Variants in RUFY1 observed in about 807,000 individuals in gnomAD.
RUFY1 encodes the protein RUN and FYVE domain-containing protein 1.
In RUFY1, 54 loss-of-function variants were observed where a neutral mutation model predicts 94.6. The ratio of observed to expected loss-of-function variants is 0.57; its 90% CI spans 0.46 to 0.72. The LOEUF (loss-of-function observed/expected upper bound fraction) is 0.72. RUFY1 is among the 30% of genes least tolerant of loss of function. The pLI, the probability that RUFY1 is intolerant of heterozygous loss-of-function variation, is 0.00. For missense variants in RUFY1, 883 were observed against 883.9 expected (o/e 1.00, Z 0.01); for synonymous variants, 396 against 347.3 (o/e 1.14, Z -1.56).
intron 8 of RUFY1, 56 bp downstream of exon 8, chr5:179,585,921 A>G (rs1187175428): frequency 7.2e-7 from 1 of 1,391,272 alleles, no homozygotes; most frequent in Non-Finnish European, 1.0e-6. Flanking sequence ...AGGTTAAGAG[A>G]ATCTGTGTAG....
In RUFY1 at chr5:179,569,383, C is replaced by G. The variant is rs140249165; in HGVS notation, c.786C>G (p.Leu262=). 3 of 1,613,370 alleles carry G rather than the reference C, an allele frequency of 1.9e-6. No homozygotes were observed. In the African/African-American group the frequency reaches 4.0e-5, roughly 22 times the overall value. ...GTCTGCTGGTGGGACTCAATGTTCT[C>G]GATGCCAATCTCTGCTTGAAAGGAG... The part of the protein sequence containing the change: ...IVGLLVGLNV[L]DANLCLKGED... Residue 262 remains leucine, a synonymous_variant, in exon 5 of 18, where the codon CTC becomes CTG. Transcript: ENST00000319449.
intron 15 of RUFY1, chr5:179,603,572 T>C (rs1413817696): frequency 1.3e-5 from 2 of 152,370 alleles, no homozygotes; most frequent in African/African-American, 4.8e-5. Context: ...GCTCAGAGCA[T>C]AGGCCAGCTG....
Position 179,573,777 on chromosome 5 carries a change from C to T in RUFY1, c.829-3298C>T, listed in dbSNP as rs561814523. On this transcript the variant is annotated intron_variant, in intron 5 of 17. Coordinates refer to ENST00000319449, the MANE Select transcript of RUFY1 (RefSeq NM_025158.5). ...GACATCGTGATCTGCCCACTTTGGC[C>T]TCCCAAAGTGCTGGGATTACAGGCG... Among the ~76,000 whole-genome samples the T allele has an allele frequency of 4.3e-4, 66 of 152,246 alleles. 2 individuals carry two copies. In the South Asian group the frequency reaches 0.014, roughly 32 times the overall value.
chr5:179,607,712 A>C, intron 17 of RUFY1, 53 bp downstream of exon 17: 2 of 1,469,830 alleles, frequency 1.4e-6, no homozygotes, highest in Non-Finnish European at 1.9e-6. Flanking sequence ...TGCCCGCTGG[A>C]TTCCCCTTTC....
intron 16 of RUFY1, 65 bp from the exon 17 acceptor site, chr5:179,607,517 C>T (rs543671494): frequency 5.1e-5 from 69 of 1,362,798 alleles, no homozygotes; most frequent in Admixed American, 6.7e-5. Flanking sequence ...GTGGCCAGAA[C>T]GCAGCTACCC....
intron 13 of RUFY1, among the ~76,000 whole-genome samples, chr5:179,597,236 T>TG (rs1447959917): frequency 2.6e-5 from 4 of 151,608 alleles, no homozygotes; most frequent in African/African-American, 9.7e-5. Flanking sequence ...TGTTTGTGTT[T>TG]TGTTTTGTTT....
At chr5:179,598,605 C>G (rs1387421486) in intron 13 of RUFY1, 87 bp from the exon 14 acceptor site, 1 of 1,492,810 alleles carries the variant, frequency 6.7e-7, no homozygotes, top group Non-Finnish European at 9.3e-7. Context: ...TCAGAGACTT[C>G]CCTGTTTCCT....
intron 1 of RUFY1, among the ~76,000 whole-genome samples, chr5:179,558,182 C>T (rs996958050): frequency 2.0e-5 from 3 of 152,154 alleles, no homozygotes; most frequent in Non-Finnish European, 4.4e-5. Context: ...TCTCCCTTCT[C>T]TTGATGAAGT....
chr5:179,569,786 C>T lies in RUFY1; in HGVS notation c.828+361C>T, dbSNP rs531979050. Among the ~76,000 whole-genome samples the T allele has an allele frequency of 2.6e-5, 4 of 152,190 alleles. No homozygotes were observed. The South Asian group carries it at 8.3e-4, about 32-fold the overall frequency. On this transcript the variant is annotated intron_variant, in intron 5 of 17. Transcript: ENST00000319449. Reference sequence around the variant, plus strand: ...TTGAGACGGAGTCTCGTTGTGTCTCCCAGGCTGGAGTGCAGTGGCGCGATC... The same window carrying T: ...TTGAGACGGAGTCTCGTTGTGTCTCTCAGGCTGGAGTGCAGTGGCGCGATC...
At chr5:179,571,762 CATT>C (rs1324282557) in intron 5 of RUFY1, among the ~76,000 whole-genome samples, 2 of 152,158 alleles carry the variant, frequency 1.3e-5, no homozygotes, top group African/African-American at 4.8e-5. Flanking sequence ...CAAAACAACT[CATT>C]ATCTCAAATT....
At chr5:179,590,110 T>C (rs909530161) in intron 9 of RUFY1, among the ~76,000 whole-genome samples, 1 of 152,078 alleles carries the variant, frequency 6.6e-6, no homozygotes, top group African/African-American at 2.4e-5. Flanking sequence ...TCCCAGCACT[T>C]TGGGAGGCCG....
Position 179,605,492 on chromosome 5 carries a change from G to A in RUFY1, c.1857-384G>A, listed in dbSNP as rs375353952. Among the ~76,000 whole-genome samples the A allele has an allele frequency of 4.6e-5, 7 of 152,296 alleles. No homozygotes were observed. In the East Asian group the frequency reaches 1.2e-3, roughly 25 times the overall value. On this transcript the variant is annotated intron_variant, in intron 15 of 17. Coordinates refer to ENST00000319449, the MANE Select transcript of RUFY1 (RefSeq NM_025158.5). ...GACAGCAGGCAGCAGAATGGAGGCC[G>A]GGGAGAAGCCTGCAGACTCAGGTTC... is the stretch of plus-strand genomic sequence containing the variant.
At chr5:179,580,137 T>C (rs1408193490) in intron 6 of RUFY1, among the ~76,000 whole-genome samples, 1 of 152,038 alleles carries the variant, frequency 6.6e-6, no homozygotes, top group Non-Finnish European at 1.5e-5. Flanking sequence ...GACTATACTA[T>C]ATTGAATGAG....
At chr5:179,602,120 T>A in intron 15 of RUFY1, 134 bp downstream of exon 15, 1 of 700,552 alleles carries the variant, frequency 1.4e-6, no homozygotes, top group Non-Finnish European at 2.5e-6. Context: ...CGTTCACGGA[T>A]GAGCTCTCAG....
At chr5:179,598,854 C>G (rs1765977571) in intron 14 of RUFY1, 33 bp downstream of exon 14, 1 of 1,612,674 alleles carries the variant, frequency 6.2e-7, no homozygotes, top group Non-Finnish European at 8.5e-7. Context: ...AGGAGAGCCT[C>G]TGGCAGCCTC....
At chr5:179,605,828 GCCTCAC>G in intron 15 of RUFY1, 42 bp from the exon 16 acceptor site, 15 of 1,239,618 alleles carry the variant, frequency 1.2e-5, no homozygotes, top group Non-Finnish European at 1.6e-5. Flanking sequence ...GGGATTCAGA[GCCTCAC>G]TCTCTCTCAC....
rs1167533684 is a variant in RUFY1 at position 179,580,551 on chromosome 5, TG to T, written c.891-395del. Among the ~76,000 whole-genome samples, 5 of 135,974 alleles carry T rather than the reference TG, an allele frequency of 3.7e-5. No homozygotes were observed. In the East Asian group the frequency reaches 9.7e-4, roughly 26 times the overall value. 89.2% of individuals were successfully genotyped at this position (135,974 alleles called of 152,430 possible). A position where few individuals can be genotyped will look rare whatever the true frequency, so the allele number is the denominator to read the frequency against. ...GCCACCACGCCTGGCCAGTTTTTTTTGTTTTTTTTTTTTAATCCAAACTGGC... is the reference window on the plus strand; with the variant it reads ...GCCACCACGCCTGGCCAGTTTTTTTTTTTTTTTTTTTTAATCCAAACTGGC... On this transcript the variant is annotated intron_variant, in intron 6 of 17. Transcript: ENST00000319449.
At chr5:179,578,605 AC>A (rs1418744940) in intron 6 of RUFY1, among the ~76,000 whole-genome samples, 2 of 152,020 alleles carry the variant, frequency 1.3e-5, no homozygotes, top group Non-Finnish European at 2.9e-5. Flanking sequence ...AGGGAAAAAA[AC>A]AATGTATAAC....
chr5:179,609,201 T>G (rs1480382768), intron 17 of RUFY1, among the ~76,000 whole-genome samples, 175 bp from the exon 18 acceptor site: 1 of 60,608 alleles, frequency 1.6e-5, no homozygotes, highest in Non-Finnish European at 3.3e-5. Context: ...AGCAAGACTC[T>G]ATCTCAAAAA....
Sources: gnomAD v4.1 joint callset for allele counts (sites outside exome capture counted in the v4.1 genomes callset) on GRCh38, gnomAD v4.1.1 for gene constraint, MANE v1.5 for transcripts, NCBI Gene and HGNC (gene_info 2026-07-23, HGNC 2026-07-21) for gene names.